The following WWOX variants were observed in gnomAD, a reference collection of about 807,000 sequenced individuals.
WWOX encodes the protein WW domain containing oxidoreductase.
A neutral mutation model predicts 46.2 loss-of-function variants in WWOX; 69 were observed. The observed-to-expected ratio is 1.49, with a 90% CI of 1.23 to 1.82. The LOEUF (loss-of-function observed/expected upper bound fraction) is 1.82. WWOX is among the 40% of genes most tolerant of loss of function. The probability of loss-of-function intolerance (pLI) is 0.00; values close to 1 mark genes in which losing one functional copy is unlikely to be tolerated. For synonymous variants in WWOX, 359 were observed against 202.6 expected, an observed-to-expected ratio of 1.77 and a Z score of -6.56; for missense variants, 919 against 542.6, an observed-to-expected ratio of 1.69 and a Z score of -6.89.
At chr16:79,063,131 C>T (rs747542968) in intron 8 of WWOX, among the ~76,000 whole-genome samples, 28 of 152,148 alleles carry the variant, frequency 1.8e-4, no homozygotes, top group Non-Finnish European at 4.1e-4. Context: ...GAGCTATTTC[C>T]CCACTTCTGC....
At position 79,116,000 on chromosome 16, in the gene WWOX, C is replaced by A. The variant is rs143376209; in HGVS notation, c.1057-95608C>A. 3.5e-3 allele frequency among the ~76,000 whole-genome samples: 535 copies of A among 152,214 alleles called. 16 individuals are homozygous for A. Among genetic ancestry groups the A allele is most frequent in the Admixed American group, 0.03 (458 of 15,288 alleles). ...CAAGTCACATGAATTTTGGAGTTTC[C>A]CAGTGCATACAAAAGTTGCTTACAC... On this transcript the variant is annotated intron_variant, in intron 8 of 8. Coordinates refer to ENST00000566780, the MANE Select transcript of WWOX (RefSeq NM_016373.4).
chr16:78,730,274 T>G (rs78595404), intron 8 of WWOX, among the ~76,000 whole-genome samples: 4,450 of 152,152 alleles, frequency 0.029, 184 homozygotes, highest in African/African-American at 0.1. Flanking sequence ...AATTTTACTG[T>G]CCCATCCTTT....
intron 8 of WWOX, among the ~76,000 whole-genome samples, chr16:79,119,802 A>G (rs1029595615): frequency 1.3e-5 from 2 of 152,308 alleles, no homozygotes; most frequent in South Asian, 2.1e-4. Flanking sequence ...CCTCATAGGG[A>G]AGACACTAGG....
intron 8 of WWOX, among the ~76,000 whole-genome samples, chr16:79,177,397 G>C (rs2150779789): frequency 6.6e-6 from 1 of 152,240 alleles, no homozygotes; most frequent in South Asian, 2.1e-4. Flanking sequence ...GGCTGGGTTT[G>C]GATATGCATT....
At chr16:78,728,115 A>AGTGCAGTGG (rs2048880257) in intron 8 of WWOX, among the ~76,000 whole-genome samples, 1 of 115,454 alleles carries the variant, frequency 8.7e-6, no homozygotes, top group Non-Finnish European at 1.6e-5. Flanking sequence ...CCCAAGCTGG[A>AGTGCAGTGG]GTGCAGTGGC....
At chr16:78,850,506 T>A (rs2052415156) in intron 8 of WWOX, among the ~76,000 whole-genome samples, 2 of 152,164 alleles carry the variant, frequency 1.3e-5, no homozygotes, top group African/African-American at 4.8e-5. Context: ...CCGTTTATAG[T>A]TTTTTTACTG....
intron 8 of WWOX, among the ~76,000 whole-genome samples, chr16:78,673,911 G>T (rs1007538286): frequency 6.6e-6 from 1 of 152,088 alleles, no homozygotes; most frequent in East Asian, 1.9e-4. Flanking sequence ...TGTTTAATTG[G>T]TTCATCCCAT....
At chr16:78,458,115 G>A (rs762776425) in intron 8 of WWOX, among the ~76,000 whole-genome samples, 34 of 151,864 alleles carry the variant, frequency 2.2e-4, no homozygotes, top group Non-Finnish European at 4.4e-4. Context: ...CCTGGAGTTC[G>A]TATCCCCTTG....
intron 8 of WWOX, among the ~76,000 whole-genome samples, chr16:79,080,579 C>T (rs979294611): frequency 5.3e-5 from 8 of 152,304 alleles, no homozygotes; most frequent in Middle Eastern, 6.8e-3. Context: ...CACTGAATCT[C>T]GAATCCAAAT....
intron 8 of WWOX, among the ~76,000 whole-genome samples, chr16:78,598,060 G>A (rs1288984747): frequency 1.3e-5 from 2 of 152,112 alleles, no homozygotes; most frequent in African/African-American, 2.4e-5. Flanking sequence ...TCCAGACTGC[G>A]CTTCATGAAT....
chr16:78,844,369 G>A (rs1480209425), intron 8 of WWOX, among the ~76,000 whole-genome samples: 2 of 152,136 alleles, frequency 1.3e-5, no homozygotes, highest in East Asian at 1.9e-4. Flanking sequence ...ATATGCCTGG[G>A]ATGGGAAATA....
chr16:78,253,775 G>C (rs914893488), intron 5 of WWOX, among the ~76,000 whole-genome samples: 6 of 152,102 alleles, frequency 3.9e-5, no homozygotes, highest in Non-Finnish European at 8.8e-5. Flanking sequence ...AACTAAAATG[G>C]AATTTACTAA....
At chr16:79,017,601 G>A (rs1401832596) in intron 8 of WWOX, among the ~76,000 whole-genome samples, 1 of 151,972 alleles carries the variant, frequency 6.6e-6, no homozygotes, top group Non-Finnish European at 1.5e-5. Context: ...TGCAAAAACA[G>A]CCATGGACAA....
At chr16:78,785,526 T>G (rs2050434598) in intron 8 of WWOX, among the ~76,000 whole-genome samples, 1 of 152,192 alleles carries the variant, frequency 6.6e-6, no homozygotes, top group South Asian at 2.1e-4. Context: ...TTATTATTTC[T>G]CTGAAATATG....
intron 8 of WWOX, chr16:78,994,489 C>A (rs1378469201): frequency 6.6e-6 from 1 of 152,144 alleles, no homozygotes. Context: ...ACTCCGGCAC[C>A]GAGGTACTTA....
At chr16:78,502,654 C>T (rs1473511854) in intron 8 of WWOX, among the ~76,000 whole-genome samples, 1 of 152,198 alleles carries the variant, frequency 6.6e-6, no homozygotes, top group Non-Finnish European at 1.5e-5. Flanking sequence ...CAAGTTTCAG[C>T]ATGGACTTCT....
At chr16:78,353,356 G>C (rs2081220684) in intron 5 of WWOX, among the ~76,000 whole-genome samples, 1 of 152,188 alleles carries the variant, frequency 6.6e-6, no homozygotes, top group Non-Finnish European at 1.5e-5. Context: ...GCTATGAACA[G>C]ATGCCACAGC....
At chr16:79,026,735 A>C (rs1238590777) in intron 8 of WWOX, among the ~76,000 whole-genome samples, 1 of 144,506 alleles carries the variant, frequency 6.9e-6, no homozygotes, top group Non-Finnish European at 1.5e-5. Flanking sequence ...TTCCTGCCTC[A>C]GCGTCCCAAG....
At chr16:78,270,858 G>A (rs1378835530) in intron 5 of WWOX, among the ~76,000 whole-genome samples, 1 of 152,120 alleles carries the variant, frequency 6.6e-6, no homozygotes, top group Non-Finnish European at 1.5e-5. Context: ...AAGGCTGTGT[G>A]CCAGAGACGA....
Sources: allele counts gnomAD v4.1 joint callset (sites outside exome capture counted in the v4.1 genomes callset), GRCh38; gene constraint gnomAD v4.1.1; transcripts MANE v1.5; gene names NCBI Gene and HGNC (gene_info 2026-07-23, HGNC 2026-07-21).